Variants in PRKD3 observed in about 807,000 individuals in gnomAD.
PRKD3 encodes protein kinase D3.
PRKD3 carries 47 observed loss-of-function variants against 99.2 expected under a neutral mutation model. The ratio of observed to expected loss-of-function variants is 0.47; its 90% CI spans 0.38 to 0.60. PRKD3 has a LOEUF of 0.60. Among genes scored for constraint, PRKD3 ranks in the 20% least tolerant of loss-of-function variants. The pLI is 0.00. For synonymous variants in PRKD3, 392 were observed against 355.4 expected (o/e 1.10, Z -1.16); for missense variants, 1,019 against 1,088.4 (o/e 0.94, Z 0.90).
chr2:37,308,650 T>C (rs1671276580), intron 2 of PRKD3, among the ~76,000 whole-genome samples: 1 of 152,064 alleles, frequency 6.6e-6, no homozygotes, highest in African/African-American at 2.4e-5. Flanking sequence ...AGACAGGCTT[T>C]TGCCATGTTG....
chr2:37,291,205 G>T (rs1476822917), intron 3 of PRKD3, among the ~76,000 whole-genome samples: 2 of 152,202 alleles, frequency 1.3e-5, no homozygotes, highest in African/African-American at 4.8e-5. Context: ...AGCTCCAGAA[G>T]TAGGTCATAG....
intron 2 of PRKD3, among the ~76,000 whole-genome samples, chr2:37,311,978 G>C (rs774845872): frequency 6.6e-6 from 1 of 152,206 alleles, no homozygotes; most frequent in Non-Finnish European, 1.5e-5. Flanking sequence ...ATATAACCTT[G>C]CAACTACATG....
Position 37,279,778 on chromosome 2 carries a change from C to T in PRKD3, c.1140G>A (p.Val380=). The T allele has an allele frequency of 6.2e-7, 1 of 1,613,264 alleles. No homozygotes were observed. The highest frequency in any genetic ancestry group is 8.5e-7 in the Non-Finnish European group (1 of 1,179,762). ...TTTTAACGGCTTCTTCATCTCTTTC[C>T]ACATCGAGATCAGATGGATCCAAGA... ...MFFLDPSDLD[V]ERDEEAVKTI... The change falls in exon 8 of 19, where the codon GTG becomes GTA. Residue 380 remains valine (V), a synonymous_variant. Transcript: ENST00000234179.
At chr2:37,291,709 T>A (rs1670434949) in intron 3 of PRKD3, among the ~76,000 whole-genome samples, 1 of 152,012 alleles carries the variant, frequency 6.6e-6, no homozygotes, top group African/African-American at 2.4e-5. Flanking sequence ...GTGAGATGAA[T>A]GAGAGAATCA....
rs549077092 is a variant in PRKD3 at position 37,294,422 on chromosome 2, TA to T, written c.289-1152del. On this transcript the variant is annotated intron_variant, in intron 2 of 18. Transcript: ENST00000234179. ...CTCAAATCTTTTTTTAAAGTTAAAT[TA>T]AAAAAAAATTAAAAACAATGATTAA... Among the ~76,000 whole-genome samples the T allele has an allele frequency of 5.9e-5, 9 of 151,612 alleles. No individual in the cohort carries two copies. The South Asian group carries it at 6.3e-4, about 11-fold the overall frequency.
intron 5 of PRKD3, among the ~76,000 whole-genome samples, chr2:37,286,948 T>C (rs1572666041): frequency 3.9e-5 from 6 of 152,158 alleles, no homozygotes; most frequent in Admixed American, 3.3e-4. Flanking sequence ...CCTGGTCTTC[T>C]GGCCAGGCGT....
rs900088927 is a variant in PRKD3 at position 37,316,570 on chromosome 2, T to C, written c.-46A>G. 3 of 1,579,510 alleles carry C rather than the reference T, an allele frequency of 1.9e-6. No homozygotes were observed. The African/African-American group carries it at 4.1e-5, about 21-fold the overall frequency. On this transcript the variant is annotated 5_prime_UTR_variant, in exon 2 of 19. Transcript: ENST00000234179. ...AAAATAGTTGTCGATTCTTTTTCAA[T>C]GGTTATGAAGAGGTTTTTAAAATAA...
At chr2:37,299,428 G>T (rs1420841188) in intron 2 of PRKD3, among the ~76,000 whole-genome samples, 5 of 151,656 alleles carry the variant, frequency 3.3e-5, no homozygotes, top group African/African-American at 1.2e-4. Flanking sequence ...CTAGCACTCT[G>T]GGAGGCCAAG....
chr2:37,319,831 G>A (rs1289338620), intron 1 of PRKD3, among the ~76,000 whole-genome samples: 1 of 151,982 alleles, frequency 6.6e-6, no homozygotes, highest in Non-Finnish European at 1.5e-5. Flanking sequence ...AAACCAAACA[G>A]AATAAGTGGT....
Position 37,279,846 on chromosome 2 carries a change from C to A in PRKD3, c.1072G>T (p.Asp358Tyr), listed in dbSNP as rs774450180. The A allele has an allele frequency of 1.2e-6, 2 of 1,613,362 alleles. No homozygotes were observed. The highest frequency in any genetic ancestry group is 1.7e-5 in the Admixed American group (1 of 59,996). ...DINSDSSRGL[D>Y]DTEEPSPPED... ...GGGGGTGATGGCTCTTCTGTGTCAT[C>A]CAAACCCCGACTACTATCACTATTT... Residue 358 changes from aspartate to tyrosine, a missense_variant, in exon 8 of 19, where the codon GAT becomes TAT. This residue lies in a region of PRKD3 where 710 missense variants were observed against 692.7 expected (regional missense o/e 1.02). Transcript: ENST00000234179.
chr2:37,292,640 C>T (rs1474726597), intron 3 of PRKD3, among the ~76,000 whole-genome samples: 7 of 151,918 alleles, frequency 4.6e-5, no homozygotes, highest in Admixed American at 3.3e-4. Context: ...GCCACCGCGC[C>T]AGGCCTTTCT....
chr2:37,318,938 A>G (rs528493820), intron 1 of PRKD3, among the ~76,000 whole-genome samples: 14 of 152,360 alleles, frequency 9.2e-5, no homozygotes, highest in African/African-American at 2.9e-4. Context: ...TGGTTTGTGA[A>G]TAACTAGAGA....
chr2:37,324,053 A>G (rs879900993), intron 1 of PRKD3: 119 of 394,030 alleles, frequency 3.0e-4, no homozygotes, highest in Middle Eastern at 2.6e-3. Context: ...CACTGCTCAA[A>G]GAAACAGTGG....
chr2:37,283,108 T>TC (rs1669931412), intron 6 of PRKD3, among the ~76,000 whole-genome samples: 1 of 152,256 alleles, frequency 6.6e-6, no homozygotes, highest in Admixed American at 6.5e-5. Context: ...ATAATGGTTC[T>TC]CTTCAGCCTA....
At chr2:37,279,715 G>A in intron 8 of PRKD3, 31 bp downstream of exon 8, 2 of 1,541,692 alleles carry the variant, frequency 1.3e-6, no homozygotes, top group Non-Finnish European at 1.8e-6. Flanking sequence ...CCTTGCATCT[G>A]GAAGTAGCTT....
chr2:37,307,450 A>G (rs1054840729), intron 2 of PRKD3, among the ~76,000 whole-genome samples: 3 of 152,226 alleles, frequency 2.0e-5, no homozygotes, highest in African/African-American at 7.2e-5. Flanking sequence ...AAGGCACCGG[A>G]TATATGAAAC....
chr2:37,253,984 TG>T (rs1667733101), intron 18 of PRKD3, among the ~76,000 whole-genome samples: 1 of 152,246 alleles, frequency 6.6e-6, no homozygotes, highest in Non-Finnish European at 1.5e-5. Flanking sequence ...CATAGGTCTA[TG>T]AAAGGCTAAG....
intron 11 of PRKD3, 86 bp downstream of exon 11, chr2:37,274,335 T>TA (rs1266566954): frequency 6.8e-7 from 1 of 1,463,944 alleles, no homozygotes. Context: ...GGATGAACAT[T>TA]AAAAGGAACA....
chr2:37,315,737 G>A (rs984320286), intron 2 of PRKD3, among the ~76,000 whole-genome samples: 2 of 152,204 alleles, frequency 1.3e-5, no homozygotes, highest in Non-Finnish European at 2.9e-5. Context: ...TATGTTTTCA[G>A]ACTGAGTCTC....
Sources: allele counts gnomAD v4.1 joint callset (sites outside exome capture counted in the v4.1 genomes callset), GRCh38; gene constraint gnomAD v4.1.1; regional missense constraint gnomAD v4.1.1; transcripts MANE v1.5; gene names NCBI Gene and HGNC (gene_info 2026-07-23, HGNC 2026-07-21).